The following ADGRG5 variants were observed in gnomAD, a reference collection of about 807,000 sequenced individuals.
ADGRG5 encodes the protein G protein-coupled receptor 114.
ADGRG5 carries 37 observed loss-of-function variants against 53.2 expected under a neutral mutation model. The ratio of observed to expected loss-of-function variants is 0.70; its 90% CI spans 0.53 to 0.91. ADGRG5 has a LOEUF of 0.91. Among genes scored for constraint, ADGRG5 ranks in the 40% least tolerant of loss-of-function variants. The pLI is 0.00. For missense variants in ADGRG5, 614 were observed against 675.8 expected, an observed-to-expected ratio of 0.91 and a Z score of 1.01; for synonymous variants, 277 against 290.4, an observed-to-expected ratio of 0.95 and a Z score of 0.47.
the ADGRG5 span, among the ~76,000 whole-genome samples, chr16:57,533,173 C>G: frequency 2.0e-5 from 3 of 152,178 alleles, no homozygotes; most frequent in African/African-American, 7.2e-5. Flanking sequence ...CCAGGCCCCT[C>G]CTAGGGGCTG....
At chr16:57,559,453 A>G (rs1462616221) in intron 1 of ADGRG5, among the ~76,000 whole-genome samples, 2 of 152,190 alleles carry the variant, frequency 1.3e-5, no homozygotes, top group Non-Finnish European at 2.9e-5. Context: ...CCCACTCCAC[A>G]TCATTCTCAT....
intron 7 of ADGRG5, 110 bp from the exon 8 acceptor site, chr16:57,567,360 C>T: frequency 7.8e-7 from 1 of 1,282,068 alleles, no homozygotes; most frequent in Non-Finnish European, 1.1e-6. Context: ...CATGGCTAGG[C>T]TTGTGGGGAA....
chr16:57,556,768 G>T (rs7203634), intron 1 of ADGRG5, among the ~76,000 whole-genome samples: 60,851 of 151,810 alleles, frequency 0.4, 13,082 homozygotes, highest in East Asian at 0.68. Context: ...TTCATTTCTT[G>T]GTTTAAGTCC....
chr16:57,562,535 A>C, intron 3 of ADGRG5, 76 bp downstream of exon 3: 1 of 950,396 alleles, frequency 1.1e-6, no homozygotes, highest in Non-Finnish European at 1.6e-6. Context: ...GTAGACTCTT[A>C]ACTGTGCATT....
intron 1 of ADGRG5, among the ~76,000 whole-genome samples, chr16:57,557,335 C>T (rs895818007): frequency 5.9e-5 from 9 of 152,138 alleles, no homozygotes; most frequent in Non-Finnish European, 1.0e-4. Context: ...TCTTGTAGTT[C>T]GTATCTTTTA....
intron 1 of ADGRG5, among the ~76,000 whole-genome samples, chr16:57,554,169 T>C (rs974368388): frequency 1.2e-4 from 19 of 152,080 alleles, no homozygotes; most frequent in Non-Finnish European, 1.8e-4. Context: ...GTTAATATTA[T>C]TCTCCTATTT....
chr16:57,552,757 G>A (rs1017417547), intron 1 of ADGRG5, among the ~76,000 whole-genome samples: 1 of 152,064 alleles, frequency 6.6e-6, no homozygotes, highest in African/African-American at 2.4e-5. Flanking sequence ...TGAACTGTTC[G>A]GTGCAGGATG....
In ADGRG5 at chr16:57,555,687, T is replaced by C. The variant is rs545394453; in HGVS notation, c.-38-6369T>C. 2.6e-5 allele frequency among the ~76,000 whole-genome samples: 4 copies of C among 152,364 alleles called. No individual in the cohort carries two copies. In the East Asian group the frequency reaches 7.7e-4, roughly 29 times the overall value. The stretch of plus-strand genomic sequence containing the variant: ...TACATTTTCTTGACGAATTAGTCTT[T>C]AGCATTATATAATCTTTATCCCTGG... On this transcript the variant is annotated intron_variant, in intron 1 of 11. Transcript: ENST00000349457.
chr16:57,531,522 T>C, the ADGRG5 span, among the ~76,000 whole-genome samples: 1 of 152,060 alleles, frequency 6.6e-6, no homozygotes, highest in Admixed American at 6.5e-5. Flanking sequence ...CTCCTTCAAA[T>C]CCATTCTCAA....
At chr16:57,529,792 C>G in the ADGRG5 span, among the ~76,000 whole-genome samples, 1 of 152,202 alleles carries the variant, frequency 6.6e-6, no homozygotes, top group Non-Finnish European at 1.5e-5. This position sits in a 1 kb window ranked among gnomAD's most constrained non-coding sequence, Gnocchi z 4.1. Flanking sequence ...TTATGTGTCT[C>G]CATCACTGCA....
chr16:57,532,822 G>T, the ADGRG5 span, among the ~76,000 whole-genome samples: 2 of 152,218 alleles, frequency 1.3e-5, no homozygotes, highest in Non-Finnish European at 2.9e-5. Flanking sequence ...AGAGCCTGTG[G>T]GGGGAGGGGA....
intron 10 of ADGRG5, among the ~76,000 whole-genome samples, chr16:57,573,484 AGATT>A (rs1447567360): frequency 6.6e-6 from 1 of 151,348 alleles, no homozygotes; most frequent in Non-Finnish European, 1.5e-5. Flanking sequence ...AGAAAAGCAG[AGATT>A]GATTGAAAAT....
intron 1 of ADGRG5, among the ~76,000 whole-genome samples, chr16:57,554,456 A>C (rs2032828337): frequency 6.6e-6 from 1 of 151,532 alleles, no homozygotes; most frequent in South Asian, 2.1e-4. Context: ...AGCTCACTGC[A>C]AGCTCTGCCT....
chr16:57,549,036 T>C (rs1429717068), intron 1 of ADGRG5, among the ~76,000 whole-genome samples: 3 of 152,226 alleles, frequency 2.0e-5, no homozygotes, highest in Non-Finnish European at 4.4e-5. Flanking sequence ...TTTTCCAGAA[T>C]GGCATTGGAG....
intron 1 of ADGRG5, among the ~76,000 whole-genome samples, chr16:57,555,211 T>C (rs1357019654): frequency 6.6e-6 from 1 of 152,224 alleles, no homozygotes; most frequent in African/African-American, 2.4e-5. Context: ...TCTTCTGATA[T>C]GGTTTGGCTG....
the ADGRG5 span, among the ~76,000 whole-genome samples, chr16:57,530,792 C>T: frequency 6.6e-6 from 1 of 151,962 alleles, no homozygotes; most frequent in Non-Finnish European, 1.5e-5. Flanking sequence ...TCCCCTGGCA[C>T]CTCCCTTTTA....
At chr16:57,559,400 T>C (rs2032952385) in intron 1 of ADGRG5, among the ~76,000 whole-genome samples, 2 of 152,194 alleles carry the variant, frequency 1.3e-5, no homozygotes, top group South Asian at 4.1e-4. Flanking sequence ...CCTTGGCATG[T>C]CCTGCATGGC....
intron 1 of ADGRG5, among the ~76,000 whole-genome samples, chr16:57,549,592 C>A (rs1598093834): frequency 6.6e-6 from 1 of 152,268 alleles, no homozygotes; most frequent in East Asian, 1.9e-4. Context: ...CAATAAAATT[C>A]ACCCTTTTGG....
At chr16:57,564,451 G>A (rs889444399) in intron 5 of ADGRG5, among the ~76,000 whole-genome samples, 4 of 151,994 alleles carry the variant, frequency 2.6e-5, no homozygotes, top group South Asian at 2.1e-4. Flanking sequence ...ACAGGCGTGT[G>A]CCATCATGCC....
Sources: gnomAD v4.1 joint callset for allele counts (sites outside exome capture counted in the v4.1 genomes callset) on GRCh38, gnomAD v4.1.1 for gene constraint, Gnocchi (gnomAD v3.1) non-coding constraint, MANE v1.5 for transcripts, NCBI Gene and HGNC (gene_info 2026-07-23, HGNC 2026-07-21) for gene names.